ENOX1: variants seen among roughly 807,000 people sequenced by gnomAD.
ENOX1 encodes the protein ecto-NOX disulfide-thiol exchanger 1.
ENOX1 carries 42 observed loss-of-function variants against 82.5 expected under a neutral mutation model. The ratio of observed to expected loss-of-function variants is 0.51; its 90% CI spans 0.40 to 0.66. ENOX1 has a LOEUF of 0.66. Ranked by LOEUF, ENOX1 falls within the 30% of genes least tolerant of loss-of-function variation. The probability of loss-of-function intolerance (pLI) is 0.00; values close to 1 mark genes in which losing one functional copy is unlikely to be tolerated. For synonymous variants in ENOX1, 271 were observed against 282.2 expected (o/e 0.96, Z 0.40); for missense variants, 608 against 811.6 (o/e 0.75, Z 3.05).
chr13:43,229,383 G>A (rs961574526), intron 15 of ENOX1, among the ~76,000 whole-genome samples: 17 of 152,134 alleles, frequency 1.1e-4, no homozygotes, highest in Admixed American at 2.0e-4. Context: ...TGGAAAGCCC[G>A]GGGGAGACCA....
chr13:43,544,247 G>A (rs2078877998), intron 2 of ENOX1: 1 of 152,106 alleles, frequency 6.6e-6, no homozygotes, highest in Non-Finnish European at 1.5e-5. Context: ...GTATAAACTT[G>A]GAAAGTTATT....
intron 1 of ENOX1, among the ~76,000 whole-genome samples, chr13:43,743,824 C>T (rs565319429): frequency 2.0e-5 from 3 of 152,266 alleles, no homozygotes; most frequent in African/African-American, 7.2e-5. Flanking sequence ...TTATTTCTTA[C>T]AGTTCTGGAG....
intron 1 of ENOX1, among the ~76,000 whole-genome samples, chr13:43,704,708 C>T (rs939641706): frequency 6.6e-6 from 1 of 152,092 alleles, no homozygotes; most frequent in African/African-American, 2.4e-5. Context: ...TTAAATTGTA[C>T]GTACATGCAT....
intron 1 of ENOX1, among the ~76,000 whole-genome samples, chr13:43,754,011 T>TATATACATATATACGTATATAA (rs1950463913): frequency 2.6e-5 from 3 of 114,668 alleles, no homozygotes; most frequent in African/African-American, 1.2e-4. Context: ...TATACATATG[T>TATATACATATATACGTATATAA]ATACACATAT....
intron 2 of ENOX1, among the ~76,000 whole-genome samples, chr13:43,491,402 A>G (rs2153662138): frequency 6.6e-6 from 1 of 152,326 alleles, no homozygotes; most frequent in South Asian, 2.1e-4. Context: ...GCTAGTATTT[A>G]TTCTTGTAGT....
intron 13 of ENOX1, among the ~76,000 whole-genome samples, chr13:43,265,728 A>G (rs1593606779): frequency 6.6e-6 from 1 of 152,234 alleles, no homozygotes; most frequent in East Asian, 1.9e-4. Flanking sequence ...TAGGCATAAA[A>G]TGTATAAAAT....
intron 5 of ENOX1, among the ~76,000 whole-genome samples, chr13:43,398,962 A>G (rs938532003): frequency 6.7e-6 from 1 of 150,244 alleles, no homozygotes; most frequent in South Asian, 2.1e-4. Flanking sequence ...TGCCCCCACT[A>G]ATTTTTTTTT....
In ENOX1 at chr13:43,213,524, CTTTTTTT is replaced by C. The variant is rs2041285091; in HGVS notation, c.*459_*465del. On this transcript the variant is annotated 3_prime_UTR_variant, in exon 17 of 17. Coordinates refer to ENST00000690772, the MANE Select transcript of ENOX1 (RefSeq NM_001347969.2). ...CTCACTGTAAAACTTTTTCTTTTTT[CTTTTTTT>C]CTTTTTCTTTTTCTTTTTTTTTTTT... 1 of 83,366 alleles carries C rather than the reference CTTTTTTT, an allele frequency of 1.2e-5. No individual in the cohort carries two copies. Among genetic ancestry groups the C allele is most frequent in the Non-Finnish European group, 2.6e-5 (1 of 37,792 alleles). 5.2% of individuals were successfully genotyped at this position (83,366 alleles called of 1,614,324 possible). A position where few individuals can be genotyped will look rare whatever the true frequency, so the allele number is the denominator to read the frequency against.
chr13:43,586,572 G>T, intron 2 of ENOX1, among the ~76,000 whole-genome samples: 1 of 152,206 alleles, frequency 6.6e-6, no homozygotes, highest in African/African-American at 2.4e-5. Context: ...GCTAGCTGAG[G>T]CCTCCCTCTG....
At chr13:43,391,391 A>T (rs907798334) in intron 5 of ENOX1, among the ~76,000 whole-genome samples, 13 of 151,994 alleles carry the variant, frequency 8.6e-5, no homozygotes, top group African/African-American at 2.7e-4. Context: ...ATGAACACAG[A>T]TCTCTCTGGA....
At chr13:43,518,567 C>CA (rs1387741988) in intron 2 of ENOX1, among the ~76,000 whole-genome samples, 1 of 151,104 alleles carries the variant, frequency 6.6e-6, no homozygotes, top group Non-Finnish European at 1.5e-5. Flanking sequence ...TATAAACCTA[C>CA]AGTGATATTA....
chr13:43,741,131 C>A (rs987357102), intron 1 of ENOX1, among the ~76,000 whole-genome samples: 1 of 146,176 alleles, frequency 6.8e-6, no homozygotes, highest in Non-Finnish European at 1.5e-5. Context: ...GTGATCCAGG[C>A]TGGAGTGCAA....
chr13:43,683,067 T>A (rs1477222732), intron 1 of ENOX1, among the ~76,000 whole-genome samples: 1 of 152,184 alleles, frequency 6.6e-6, no homozygotes, highest in Non-Finnish European at 1.5e-5. Context: ...ATCTCATCCT[T>A]TATCTTTGGA....
intron 3 of ENOX1, among the ~76,000 whole-genome samples, chr13:43,445,291 T>C (rs539257328): frequency 1.3e-5 from 2 of 151,634 alleles, no homozygotes; most frequent in African/African-American, 4.8e-5. Context: ...GCCTGGCTAA[T>C]TTTTTGTATT....
At chr13:43,713,719 C>T (rs2087901473) in intron 1 of ENOX1, among the ~76,000 whole-genome samples, 1 of 151,748 alleles carries the variant, frequency 6.6e-6, no homozygotes, top group African/African-American at 2.4e-5. Flanking sequence ...TTGTAGTATT[C>T]TCTGATGGTA....
chr13:43,671,216 C>T (rs547327161), intron 1 of ENOX1, among the ~76,000 whole-genome samples: 47 of 152,320 alleles, frequency 3.1e-4, no homozygotes, highest in African/African-American at 1.1e-3. Flanking sequence ...GCTTCCCCAG[C>T]CATGCAGAAC....
At chr13:43,445,281 G>T (rs912647356) in intron 3 of ENOX1, among the ~76,000 whole-genome samples, 1 of 151,686 alleles carries the variant, frequency 6.6e-6, no homozygotes, top group Non-Finnish European at 1.5e-5. Flanking sequence ...CCACCACCAC[G>T]CCTGGCTAAT....
At chr13:43,312,618 G>A (rs74065280) in intron 11 of ENOX1, among the ~76,000 whole-genome samples, 482 of 152,292 alleles carry the variant, frequency 3.2e-3, no homozygotes, top group Non-Finnish European at 4.5e-3. Flanking sequence ...ACATAACACA[G>A]CAGTGAACAT....
chr13:43,603,656 C>T (rs1300784155), intron 2 of ENOX1, among the ~76,000 whole-genome samples: 30 of 140,844 alleles, frequency 2.1e-4, no homozygotes, highest in African/African-American at 5.5e-4. Context: ...TTTGTTCTTG[C>T]AATAGTTTAC....
Sources: gnomAD v4.1 joint callset for allele counts (sites outside exome capture counted in the v4.1 genomes callset) on GRCh38, gnomAD v4.1.1 for gene constraint, MANE v1.5 for transcripts, NCBI Gene and HGNC (gene_info 2026-07-23, HGNC 2026-07-21) for gene names.